ALG13: variants seen among roughly 807,000 people sequenced by gnomAD.
The protein encoded by ALG13 is ALG13 UDP-N-acetylglucosaminyltransferase subunit, also known as UDP-N-acetylglucosamine transferase subunit ALG13.
Under a neutral mutation model 87.8 loss-of-function variants are expected in ALG13, and 11 were observed. That is an observed-to-expected ratio of 0.13 (90% CI 0.08 to 0.21). The LOEUF (loss-of-function observed/expected upper bound fraction) is 0.21, where lower values mean the gene tolerates loss of function less well. Ranked by LOEUF, ALG13 falls within the 10% of genes least tolerant of loss-of-function variation. The pLI, the probability that ALG13 is intolerant of heterozygous loss-of-function variation, is 1.00. For missense variants in ALG13, 756 were observed against 866.1 expected, an observed-to-expected ratio of 0.87 and a Z score of 1.60; for synonymous variants, 320 against 306.3, an observed-to-expected ratio of 1.04 and a Z score of -0.47.
intron 15 of ALG13, 109 bp downstream of exon 15, chrX:111,725,170 G>T: frequency 1.1e-6 from 1 of 944,512 alleles, no homozygotes. Flanking sequence ...TTGTAGGGTA[G>T]GGTTTCTCAA....
intron 24 of ALG13, 47 bp downstream of exon 24, chrX:111,744,951 T>G: frequency 9.6e-7 from 1 of 1,046,799 alleles, no homozygotes; most frequent in Non-Finnish European, 1.3e-6. Flanking sequence ...ACTTAAAAAA[T>G]ATTGTTAGAG....
intron 12 of ALG13, among the ~76,000 whole-genome samples, chrX:111,722,178 T>C (rs1156742865): frequency 8.9e-6 from 1 of 112,196 alleles, no homozygotes; most frequent in Non-Finnish European, 1.9e-5. Context: ...ATAATTCAAA[T>C]TTCAGTGTTC....
intron 21 of ALG13, among the ~76,000 whole-genome samples, chrX:111,733,067 A>T (rs181374861): frequency 9.0e-6 from 1 of 111,572 alleles, no homozygotes; most frequent in Non-Finnish European, 1.9e-5. Context: ...GCAAATTTCT[A>T]TTGTTGCTAA....
chrX:111,744,725 T>TACCACC lies in ALG13; in HGVS notation c.2793_2798dup (p.Pro944_Pro945dup), dbSNP rs750710267. On this transcript the variant is annotated inframe_insertion, in exon 24 of 27. Coordinates refer to ENST00000394780, the MANE Select transcript of ALG13 (RefSeq NM_001099922.3). ...GCTATTCCTCATGCTGGTGCCTCTC[T>TACCACC]ACCACCACCACCACCACCACCACCA... 5.7e-4 allele frequency: 627 copies of TACCACC among 1,098,874 alleles called. No individual in the cohort carries two copies. The highest frequency in any genetic ancestry group is 2.6e-3 in the African/African-American group (118 of 46,023). The allele number at this position is 1,098,874 out of a possible 1,213,427, so 90.6% of individuals were successfully genotyped here.
intron 3 of ALG13, among the ~76,000 whole-genome samples, chrX:111,695,750 T>C (rs1163472376): frequency 9.0e-6 from 1 of 111,398 alleles, no homozygotes; most frequent in African/African-American, 3.3e-5. Context: ...TTATTTCTCC[T>C]TCCTAAAACT....
Position 111,717,701 on chromosome X carries a change from A to G in ALG13, c.1006-145A>G, listed in dbSNP as rs189506416. 66 of 421,219 alleles carry G rather than the reference A, an allele frequency of 1.6e-4. No individual in the cohort carries two copies. The East Asian group carries it at 2.7e-3, about 17-fold the overall frequency. The allele number at this position is 421,219 out of a possible 1,213,427, so 34.7% of individuals were successfully genotyped here. A position where few individuals can be genotyped will look rare whatever the true frequency, so the allele number is the denominator to read the frequency against. ...TGAGGTACAGGTTGCATTTCCTTAT[A>G]TTTAGATTTTAAAAATCACTTTAAA... On this transcript the variant is annotated intron_variant, in intron 8 of 26. Transcript: ENST00000394780.
In ALG13 at chrX:111,744,992, A is replaced by T. The variant is rs1944110333; in HGVS notation, c.2932+88A>T. 3.0e-5 allele frequency: 23 copies of T among 776,293 alleles called. No individual in the cohort carries two copies. In the South Asian group the frequency reaches 4.4e-4, roughly 15 times the overall value. 64.0% of individuals were successfully genotyped at this position (776,293 alleles called of 1,213,427 possible). On this transcript the variant is annotated intron_variant, in intron 24 of 26. Transcript: ENST00000394780. Reference sequence around the variant, plus strand: ...CTCTCTTTGGTTGACCTATTGGGGAATGGGGAACCAAATGAAAATTGACTT... The same window carrying T: ...CTCTCTTTGGTTGACCTATTGGGGATTGGGGAACCAAATGAAAATTGACTT...
Position 111,744,693 on chromosome X carries a change from C to G in ALG13, c.2721C>G (p.Cys907Trp). 8.4e-7 allele frequency: 1 copy of G among 1,184,081 alleles called. No individual in the cohort carries two copies. Among genetic ancestry groups the G allele is most frequent in the Non-Finnish European group, 1.1e-6 (1 of 883,776 alleles). ...RPVIASPSYPCHSAIPHAGAS... is the reference protein window; with the variant it reads ...RPVIASPSYPWHSAIPHAGAS... ...TGATTGCCTCACCATCCTATCCATG[C>G]CATTCTGCTATTCCTCATGCTGGTG... Residue 907 changes from cysteine to tryptophan, a missense_variant, in exon 24 of 27, where the codon TGC becomes TGG. Physicochemically the swap from Cys to Trp is radical, Grantham distance 215. Coordinates refer to ENST00000394780, the MANE Select transcript of ALG13 (RefSeq NM_001099922.3).
intron 3 of ALG13, among the ~76,000 whole-genome samples, chrX:111,691,929 G>A (rs960411543): frequency 9.0e-6 from 1 of 111,191 alleles, no homozygotes; most frequent in African/African-American, 3.3e-5. Context: ...TTTCATTTTG[G>A]TCCTTGCTTT....
At chrX:111,718,923 C>G (rs757612507) in intron 10 of ALG13, among the ~76,000 whole-genome samples, 9 of 111,546 alleles carry the variant, frequency 8.1e-5, no homozygotes, top group Admixed American at 1.9e-4. Context: ...ATTCCTAGTT[C>G]TGCCTGCAAA....
chrX:111,738,523 T>C (rs1010724836), intron 23 of ALG13, among the ~76,000 whole-genome samples: 1 of 111,788 alleles, frequency 8.9e-6, no homozygotes, highest in Non-Finnish European at 1.9e-5. Context: ...TTAAGAGAAA[T>C]AAGAGTGCTT....
In ALG13 at chrX:111,759,801, T is replaced by A; in HGVS notation, c.3216T>A (p.Asp1072Glu). ...HGAVYYPVMS[D>E]PYGQPPLPGF... ...CAGTCTATTATCCAGTAATGTCAGA[T>A]CCCTATGGGCAGCCACCTTTGCCAG... Residue 1072 changes from aspartate to glutamate, a missense_variant, in exon 27 of 27, where the codon GAT becomes GAA. By Grantham distance (45) the Asp-to-Glu change is conservative. Coordinates refer to ENST00000394780, the MANE Select transcript of ALG13 (RefSeq NM_001099922.3). 1 of 1,210,261 alleles carries A rather than the reference T, an allele frequency of 8.3e-7. No individual in the cohort carries two copies. The highest frequency in any genetic ancestry group is 1.8e-5 in the South Asian group (1 of 56,715).
intron 4 of ALG13, 132 bp downstream of exon 4, chrX:111,708,525 A>G: frequency 1.3e-6 from 1 of 780,219 alleles, no homozygotes; most frequent in Admixed American, 3.1e-5. Context: ...TCAAGGTCCT[A>G]GAGAGAAGCT....
intron 24 of ALG13, 66 bp downstream of exon 24, chrX:111,744,970 T>C (rs1052659252): frequency 1.1e-6 from 1 of 952,194 alleles, no homozygotes; most frequent in African/African-American, 1.9e-5. Context: ...AGCATATCTC[T>C]CTTTGGTTGA....
rs1945390493 is a variant in ALG13 at position 111,757,650 on chromosome X, T to C, written c.3036T>C (p.His1012=). The C allele has an allele frequency of 8.3e-7, 1 of 1,209,359 alleles. No individual in the cohort carries two copies. The highest frequency in any genetic ancestry group is 3.0e-5 in the East Asian group (1 of 33,755). ...VYVPQMQQQL[H]VENYPVYTEP... The stretch of plus-strand genomic sequence containing the variant: ...TGCCACAGATGCAGCAGCAGCTTCA[T>C]GTAGAGAATTATCCAGTCTATACTG... The change falls in exon 26 of 27, where the codon CAT becomes CAC. Residue 1012 remains histidine, a synonymous_variant. Transcript: ENST00000394780.
chrX:111,700,038 GTT>G (rs779900750), intron 3 of ALG13, among the ~76,000 whole-genome samples: 70 of 78,748 alleles, frequency 8.9e-4, no homozygotes, highest in Middle Eastern at 7.6e-3. Context: ...TTATTTGTGG[GTT>G]TTTTTTTTTT....
At chrX:111,708,822 C>A (rs990549551) in intron 4 of ALG13, 143 bp from the exon 5 acceptor site, 8 of 394,575 alleles carry the variant, frequency 2.0e-5, no homozygotes, top group Non-Finnish European at 3.4e-5. Flanking sequence ...ATTAAAAAAA[C>A]TTTTAGTAAG....
chrX:111,734,126 G>C (rs1264606822), intron 21 of ALG13, among the ~76,000 whole-genome samples: 2 of 112,135 alleles, frequency 1.8e-5, no homozygotes, highest in African/African-American at 6.5e-5. Context: ...TTACTCTGCT[G>C]GTTTTTTCTT....
At chrX:111,736,502 T>C (rs1026768729) in intron 22 of ALG13, among the ~76,000 whole-genome samples, 2 of 111,931 alleles carry the variant, frequency 1.8e-5, no homozygotes, top group African/African-American at 6.5e-5. Context: ...ATGTATTACC[T>C]TTTTAGAAAT....
Sources: allele counts gnomAD v4.1 joint callset (sites outside exome capture counted in the v4.1 genomes callset), GRCh38; gene constraint gnomAD v4.1.1; transcripts MANE v1.5; gene names NCBI Gene and HGNC (gene_info 2026-07-23, HGNC 2026-07-21).